MIER1: variants seen among roughly 807,000 people sequenced by gnomAD.
MIER1 encodes the protein mesoderm induction early response protein 1.
Under a neutral mutation model 75.7 loss-of-function variants are expected in MIER1, and 40 were observed. The ratio of observed to expected loss-of-function variants is 0.53; its 90% CI spans 0.41 to 0.69. The LOEUF (loss-of-function observed/expected upper bound fraction) is 0.69. Among genes scored for constraint, MIER1 ranks in the 30% least tolerant of loss-of-function variants. MIER1 has a pLI of 0.00. For missense variants in MIER1, 574 were observed against 680.2 expected (o/e 0.84, Z 1.74); for synonymous variants, 213 against 223.4 (o/e 0.95, Z 0.42).
At chr1:66,944,977 T>G (rs1334770946) in intron 3 of MIER1, among the ~76,000 whole-genome samples, 2 of 152,060 alleles carry the variant, frequency 1.3e-5, no homozygotes, top group African/African-American at 4.8e-5. Context: ...CCTCCCTTCT[T>G]GGCCTCGTGA....
chr1:66,927,829 G>C (rs1353095176), intron 2 of MIER1, among the ~76,000 whole-genome samples: 1 of 152,198 alleles, frequency 6.6e-6, no homozygotes, highest in East Asian at 1.9e-4. Context: ...TCTTGACAGG[G>C]TAGAGAATTG....
chr1:66,933,076 C>T (rs1213730168), intron 2 of MIER1, among the ~76,000 whole-genome samples: 2 of 152,108 alleles, frequency 1.3e-5, no homozygotes, highest in South Asian at 2.1e-4. Context: ...TGCTCCCTTG[C>T]TTAATACTTT....
intron 8 of MIER1, among the ~76,000 whole-genome samples, chr1:66,966,022 A>C (rs1316633968): frequency 6.6e-6 from 1 of 151,744 alleles, no homozygotes; most frequent in African/African-American, 2.4e-5. Context: ...ATAGCACTCT[A>C]TTGTGTATAA....
intron 8 of MIER1, among the ~76,000 whole-genome samples, chr1:66,967,828 C>T (rs1023455263): frequency 2.6e-5 from 4 of 152,078 alleles, no homozygotes; most frequent in Admixed American, 1.3e-4. Flanking sequence ...AGAAATGCTA[C>T]TGATTTTTGT....
In MIER1 at chr1:66,972,940, A is replaced by G; in HGVS notation, c.1050A>G (p.Glu350=). ...CAGAGGAAGAGTGTAGAAATTTTGA[A>G]CAAGGGCTGAAGGCCTATGGAAAGG... is the stretch of plus-strand genomic sequence containing the variant. ...VWTEEECRNF[E]QGLKAYGKDF... Residue 350 remains glutamate (E), a synonymous_variant, in exon 11 of 14, where the codon GAA becomes GAG. Transcript: ENST00000401041. The G allele has an allele frequency of 6.2e-7, 1 of 1,608,946 alleles. No individual in the cohort carries two copies. Among genetic ancestry groups the G allele is most frequent in the Admixed American group, 1.7e-5 (1 of 59,944 alleles).
intron 11 of MIER1, among the ~76,000 whole-genome samples, chr1:66,974,813 A>G (rs1335720077): frequency 6.6e-6 from 1 of 152,166 alleles, no homozygotes; most frequent in African/African-American, 2.4e-5. Context: ...GTTTGTTTTT[A>G]TGTCTGGAAT....
At chr1:66,945,133 A>C (rs1357893087) in intron 3 of MIER1, among the ~76,000 whole-genome samples, 1 of 152,126 alleles carries the variant, frequency 6.6e-6, no homozygotes, top group African/African-American at 2.4e-5. Context: ...ATGACTATAC[A>C]GTCATCCTTC....
intron 4 of MIER1, among the ~76,000 whole-genome samples, chr1:66,955,346 T>TTG (rs1659898355): frequency 7.2e-6 from 1 of 138,592 alleles, no homozygotes; most frequent in South Asian, 2.4e-4. Context: ...GTTTTTTTTT[T>TTG]TTTTTTTTTT....
chr1:66,986,443 C>G lies in MIER1; in HGVS notation c.*1543C>G, dbSNP rs1197555796. 2 of 1,612,256 alleles carry G rather than the reference C, an allele frequency of 1.2e-6. No individual in the cohort carries two copies. The highest frequency in any genetic ancestry group is 4.5e-5 in the East Asian group (2 of 44,838). ...TTCTTCCAGTTCATTTTTCAGCCAT[C>G]AGTTCAAGAGCCAATGCCTTTTTAA... On this transcript the variant is annotated 3_prime_UTR_variant, in exon 14 of 14. Coordinates refer to ENST00000401041, the MANE Select transcript of MIER1 (RefSeq NM_001077700.3).
At chr1:66,940,257 A>AT (rs1655870388) in intron 3 of MIER1, 1 of 252,132 alleles carries the variant, frequency 4.0e-6, no homozygotes, top group East Asian at 5.9e-5. Context: ...AAAAATGACT[A>AT]TTTTTGGGTT....
At chr1:66,926,910 A>T (rs184054509) in intron 2 of MIER1, among the ~76,000 whole-genome samples, 102 of 152,268 alleles carry the variant, frequency 6.7e-4, no homozygotes, top group African/African-American at 2.4e-3. Flanking sequence ...CATAACAGAT[A>T]GGTTTATATA....
intron 2 of MIER1, among the ~76,000 whole-genome samples, chr1:66,937,588 A>AAAAAG (rs57109659): frequency 6.6e-6 from 1 of 151,918 alleles, no homozygotes; most frequent in Non-Finnish European, 1.5e-5. Flanking sequence ...CCATCTCAAA[A>AAAAAG]AAAAGAAAAG....
intron 2 of MIER1, chr1:66,930,264 C>A (rs1558011252): frequency 5.9e-6 from 9 of 1,532,470 alleles, no homozygotes; most frequent in African/African-American, 1.4e-5. Flanking sequence ...GCGTTCCCGC[C>A]GAGGCAGTGG....
chr1:66,976,813 G>T, intron 12 of MIER1, 91 bp downstream of exon 12: 1 of 1,136,590 alleles, frequency 8.8e-7, no homozygotes. Context: ...TGATAATCTT[G>T]CTTTTATATA....
chr1:66,950,959 A>G (rs947788427), intron 4 of MIER1, among the ~76,000 whole-genome samples: 1 of 152,104 alleles, frequency 6.6e-6, no homozygotes, highest in Non-Finnish European at 1.5e-5. Context: ...AACAGGTGTA[A>G]GAGTACTATC....
intron 8 of MIER1, among the ~76,000 whole-genome samples, chr1:66,965,353 A>G (rs1238956572): frequency 6.6e-6 from 1 of 151,922 alleles, no homozygotes; most frequent in African/African-American, 2.4e-5. Flanking sequence ...AATTTTGACA[A>G]TGAAAGATAA....
At chr1:66,940,076 T>C (rs1024783014) in intron 3 of MIER1, 24 bp downstream of exon 3, 20 of 1,570,422 alleles carry the variant, frequency 1.3e-5, no homozygotes, top group Non-Finnish European at 1.8e-5. Flanking sequence ...ATATTTTTTA[T>C]AATCTCGATT....
chr1:66,972,453 A>C (rs1570469340), intron 10 of MIER1, among the ~76,000 whole-genome samples: 1 of 151,866 alleles, frequency 6.6e-6, no homozygotes, highest in Admixed American at 6.6e-5. Context: ...ATGGGACTTA[A>C]CCTATTTGCA....
chr1:66,960,812 A>G (rs1274380579), intron 7 of MIER1, among the ~76,000 whole-genome samples: 4 of 152,208 alleles, frequency 2.6e-5, no homozygotes, highest in Non-Finnish European at 4.4e-5. Context: ...CTATTTGGGC[A>G]AGGGTTCTTT....
Sources: gnomAD v4.1 joint callset for allele counts (sites outside exome capture counted in the v4.1 genomes callset) on GRCh38, gnomAD v4.1.1 for gene constraint, MANE v1.5 for transcripts, NCBI Gene and HGNC (gene_info 2026-07-23, HGNC 2026-07-21) for gene names.